Variants in DGKK observed in about 807,000 individuals in gnomAD.
The protein encoded by DGKK is 142 kDa diacylglycerol kinase.
Under a neutral mutation model 92.2 loss-of-function variants are expected in DGKK, and 35 were observed. That is an observed-to-expected ratio of 0.38 (90% confidence interval 0.29 to 0.50). The LOEUF is 0.50. DGKK is among the 20% of genes least tolerant of loss of function. DGKK has a pLI of 0.92. For missense variants in DGKK, 910 were observed against 992.2 expected, an observed-to-expected ratio of 0.92 and a Z score of 1.11; for synonymous variants, 368 against 360.6, an observed-to-expected ratio of 1.02 and a Z score of -0.23.
chrX:50,404,445 CTTTT>C (rs781970634), intron 4 of DGKK, among the ~76,000 whole-genome samples: 4 of 90,874 alleles, frequency 4.4e-5, no homozygotes, highest in Admixed American at 1.2e-4. Flanking sequence ...GAGTAATTAT[CTTTT>C]TTTTTTTTTT....
chrX:50,375,994 C>G (rs1404003288), intron 24 of DGKK, 30 bp downstream of exon 24: 7 of 1,197,079 alleles, frequency 5.8e-6, no homozygotes, highest in Non-Finnish European at 7.9e-6. Context: ...TGGTTTGACT[C>G]CTTTCCTTAA....
At chrX:50,425,512 C>G (rs1026837770) in intron 1 of DGKK, among the ~76,000 whole-genome samples, 1 of 109,646 alleles carries the variant, frequency 9.1e-6, no homozygotes, top group Non-Finnish European at 1.9e-5. Flanking sequence ...ATTTGCCATT[C>G]CTGTTCTCCC....
In DGKK at chrX:50,384,743, A is replaced by G. The variant is rs782690854; in HGVS notation, c.2429T>C (p.Ile810Thr). The stretch of plus-strand genomic sequence containing the variant: ...ACGGCGTCGTGGGCTTGTCTGGTTA[A>G]TATCTTCTGGGTCATCTTCCAGGAA... ...TFFLEDDPED[I>T]NQTSPRRRSR... The change falls in exon 16 of 28, where the codon ATT becomes ACT. Residue 810 changes from isoleucine to threonine, a missense_variant. Coordinates refer to ENST00000611977, the MANE Select transcript of DGKK (RefSeq NM_001013742.4). The G allele has an allele frequency of 1.3e-5, 16 of 1,208,908 alleles. No individual in the cohort carries two copies. In the East Asian group the frequency reaches 4.4e-4, roughly 34 times the overall value.
At chrX:50,379,060 T>G (rs1924344935) in intron 20 of DGKK, among the ~76,000 whole-genome samples, 1 of 112,076 alleles carries the variant, frequency 8.9e-6, no homozygotes, top group African/African-American at 3.2e-5. Flanking sequence ...CTCACACCTG[T>G]AATCCCAGCA....
At chrX:50,402,399 C>T (rs1557226756) in intron 7 of DGKK, among the ~76,000 whole-genome samples, 1 of 111,695 alleles carries the variant, frequency 9.0e-6, no homozygotes, top group Non-Finnish European at 1.9e-5. Context: ...GCCTGGGCGG[C>T]ATAGTGAGAC....
chrX:50,399,930 T>A (rs1557226438), intron 8 of DGKK, among the ~76,000 whole-genome samples: 1 of 111,941 alleles, frequency 8.9e-6, no homozygotes, highest in East Asian at 2.8e-4. Context: ...GAGTGAATCA[T>A]CCCTGTGGGG....
At chrX:50,428,657 G>T (rs980017804) in intron 1 of DGKK, among the ~76,000 whole-genome samples, 24 of 111,453 alleles carry the variant, frequency 2.2e-4, no homozygotes, top group Non-Finnish European at 1.7e-4. Context: ...GCCTCCTTTC[G>T]CAGGGTGCAT....
chrX:50,371,981 T>C (rs1235455846), intron 25 of DGKK, 147 bp from the exon 26 acceptor site: 3 of 415,649 alleles, frequency 7.2e-6, no homozygotes, highest in Admixed American at 4.5e-5. Flanking sequence ...AGCTGTTTTC[T>C]TTCTCAAAAG....
intron 18 of DGKK, among the ~76,000 whole-genome samples, chrX:50,382,262 T>G (rs1473571590): frequency 8.9e-6 from 1 of 112,139 alleles, no homozygotes; most frequent in Non-Finnish European, 1.9e-5. Context: ...GTAGCTGTGT[T>G]TACACAGAAA....
chrX:50,405,223 A>C (rs144243994), intron 4 of DGKK, among the ~76,000 whole-genome samples: 104 of 111,727 alleles, frequency 9.3e-4, no homozygotes, highest in Non-Finnish European at 1.7e-3. Context: ...TTTTTTGTTA[A>C]ATGCTGCATT....
At chrX:50,403,219 T>G (rs782816330) in intron 6 of DGKK, 36 bp from the exon 7 acceptor site, 30 of 1,161,126 alleles carry the variant, frequency 2.6e-5, no homozygotes, top group Non-Finnish European at 3.5e-5. Context: ...AGGTAGAAGT[T>G]AGAGACATAA....
At chrX:50,389,217 T>C (rs1557225301) in intron 12 of DGKK, among the ~76,000 whole-genome samples, 1 of 112,088 alleles carries the variant, frequency 8.9e-6, no homozygotes, top group Non-Finnish European at 1.9e-5. Flanking sequence ...GTGCTCTTAA[T>C]TACAACTTCT....
chrX:50,470,360 T>G lies in DGKK; in HGVS notation c.319A>C (p.Thr107Pro), dbSNP rs782575131. The change falls in exon 1 of 28, where the codon ACA becomes CCA. Residue 107 changes from threonine (T) to proline (P), a missense_variant. Physicochemically the swap from Thr to Pro is conservative, Grantham distance 38. Coordinates refer to ENST00000611977, the MANE Select transcript of DGKK (RefSeq NM_001013742.4). ...PATEPAPEPATEPAPEPAPEP... is the reference protein window; with the variant it reads ...PATEPAPEPAPEPAPEPAPEP... ...GGGGCCGGTTCTGGGGCCGGCTCTG[T>G]GGCAGGTTCTGGGGCCGGCTCTGTG... 2 of 1,202,407 alleles carry G rather than the reference T, an allele frequency of 1.7e-6. No homozygotes were observed. The highest frequency in any genetic ancestry group is 2.2e-6 in the Non-Finnish European group (2 of 892,393).
chrX:50,376,607 C>T, intron 23 of DGKK, 151 bp downstream of exon 23: 1 of 474,106 alleles, frequency 2.1e-6, no homozygotes. Context: ...TATTTCCTGC[C>T]TGGATTGTGA....
At chrX:50,432,959 C>A (rs1197163070) in intron 1 of DGKK, among the ~76,000 whole-genome samples, 1 of 111,701 alleles carries the variant, frequency 9.0e-6, no homozygotes, top group Admixed American at 9.5e-5. Flanking sequence ...GCAATCTGAG[C>A]CCAGGCTGAC....
intron 1 of DGKK, among the ~76,000 whole-genome samples, chrX:50,451,119 C>T (rs1926484982): frequency 9.0e-6 from 1 of 110,932 alleles, no homozygotes; most frequent in Non-Finnish European, 1.9e-5. Context: ...GTTTTCTTCT[C>T]TAAGTGAAAA....
At chrX:50,458,579 T>C (rs190894514) in intron 1 of DGKK, among the ~76,000 whole-genome samples, 1 of 109,739 alleles carries the variant, frequency 9.1e-6, no homozygotes, top group East Asian at 2.9e-4. Context: ...GAATTTAGCA[T>C]ACAAATAAAT....
intron 1 of DGKK, among the ~76,000 whole-genome samples, chrX:50,436,095 C>T (rs1198451350): frequency 1.8e-5 from 2 of 112,069 alleles, no homozygotes; most frequent in Non-Finnish European, 3.8e-5. Flanking sequence ...AAAGAAGAAA[C>T]TATGTTGTGG....
chrX:50,403,279 A>G, intron 6 of DGKK, 96 bp from the exon 7 acceptor site: 1 of 1,053,779 alleles, frequency 9.5e-7, no homozygotes, highest in Non-Finnish European at 1.3e-6. Flanking sequence ...GGAGGACATT[A>G]GGTAAATGAC....
Sources: gnomAD v4.1 joint callset for allele counts (sites outside exome capture counted in the v4.1 genomes callset) on GRCh38, gnomAD v4.1.1 for gene constraint, MANE v1.5 for transcripts, NCBI Gene and HGNC (gene_info 2026-07-23, HGNC 2026-07-21) for gene names.